Variants in LMF1 observed in about 807,000 individuals in gnomAD.
LMF1 encodes lipase maturation factor 1, also known as transmembrane protein 112.
LMF1 carries 68 observed loss-of-function variants against 60.6 expected under a neutral mutation model. The observed-to-expected ratio is 1.12, with a 90% confidence interval of 0.92 to 1.37. The LOEUF (loss-of-function observed/expected upper bound fraction) is 1.37. Among genes scored for constraint, LMF1 ranks in the 40% most tolerant of loss-of-function variants. The pLI is 0.00. For synonymous variants in LMF1, 418 were observed against 324.7 expected (o/e 1.29, Z -3.09); for missense variants, 948 against 767.2 (o/e 1.24, Z -2.78).
intron 4 of LMF1, chr16:900,681 ATGTGTGTGTGTGTGTGTGTGTG>A (rs139778716): frequency 1.9e-4 from 17 of 90,854 alleles, no homozygotes; most frequent in African/African-American, 4.5e-4. Context: ...GCTAATTTTT[ATGTGTGTGTGTGTGTGTGTGTG>A]TGTGTGTGTG....
rs561947834 is a variant in LMF1, at chr16:913,866, C to T, written c.515-2787G>A. 5.3e-5 allele frequency among the ~76,000 whole-genome samples: 8 copies of T among 152,332 alleles called. No individual in the cohort carries two copies. The East Asian group carries it at 7.7e-4, about 15-fold the overall frequency. ...CCATGGGGCAGCCCGAGGCACATGG[C>T]GAGGCCAGGGCCAGACCTGCAGGCC... On this transcript the variant is annotated intron_variant, in intron 3 of 10. Transcript: ENST00000262301.
chr16:868,788 G>GC (rs2069685392), intron 10 of LMF1, among the ~76,000 whole-genome samples, 156 bp downstream of exon 10: 1 of 136,220 alleles, frequency 7.3e-6, no homozygotes, highest in Non-Finnish European at 1.6e-5. Context: ...GGGGGGGGGG[G>GC]CCCTTTTTGC....
chr16:959,954 C>T (rs777205897), intron 1 of LMF1, among the ~76,000 whole-genome samples: 4 of 152,154 alleles, frequency 2.6e-5, no homozygotes, highest in African/African-American at 4.8e-5. Flanking sequence ...GGTTGACCTT[C>T]GTATACTTAC....
intron 1 of LMF1, 127 bp from the exon 2 acceptor site, chr16:954,793 G>C: frequency 1.2e-6 from 1 of 840,298 alleles, no homozygotes; most frequent in Non-Finnish European, 1.8e-6. Context: ...ACGGTTTGGG[G>C]CCAAACCCTA....
Position 909,952 on chromosome 16 carries a change from C to T in LMF1, c.663+979G>A, listed in dbSNP as rs114460061. 2.8e-3 allele frequency among the ~76,000 whole-genome samples: 419 copies of T among 152,314 alleles called. 5 individuals carry two copies. The highest frequency in any genetic ancestry group is 9.7e-3 in the African/African-American group (402 of 41,548). On this transcript the variant is annotated intron_variant, in intron 4 of 10. Coordinates refer to ENST00000262301, the MANE Select transcript of LMF1 (RefSeq NM_022773.4). ...TTCCTTGGGGCAGTGCCCAACTCTT[C>T]GTACGTCTTCAGCGAATCCTCCACG...
At chr16:943,702 G>A (rs1286199419) in intron 2 of LMF1, among the ~76,000 whole-genome samples, 1 of 147,520 alleles carries the variant, frequency 6.8e-6, no homozygotes, top group Non-Finnish European at 1.5e-5. Context: ...ACTCCAGCCT[G>A]GGGGACAGAA....
At chr16:942,168 T>C (rs771408166) in intron 2 of LMF1, among the ~76,000 whole-genome samples, 1 of 152,242 alleles carries the variant, frequency 6.6e-6, no homozygotes, top group Non-Finnish European at 1.5e-5. Context: ...TTGAAGGATA[T>C]TGTCACTGGA....
At chr16:933,567 C>CG in intron 3 of LMF1, 16 of 189,250 alleles carry the variant, frequency 8.5e-5, no homozygotes, top group South Asian at 3.4e-4. Context: ...AGGCCAGGGC[C>CG]TTTACCAGCA....
At chr16:902,475 T>TA (rs2070841247) in intron 4 of LMF1, 1 of 154,136 alleles carries the variant, frequency 6.5e-6, no homozygotes, top group East Asian at 1.9e-4. Flanking sequence ...TTTCAGGCTC[T>TA]GGCTCTGGCT....
At chr16:938,623 C>T (rs2072009084) in intron 2 of LMF1, among the ~76,000 whole-genome samples, 1 of 152,206 alleles carries the variant, frequency 6.6e-6, no homozygotes, top group South Asian at 2.1e-4. Context: ...ACTGGAGCTG[C>T]CAAGAGGAAG....
At chr16:977,428 C>T (rs954918774) in intron 1 of LMF1, among the ~76,000 whole-genome samples, 8 of 152,194 alleles carry the variant, frequency 5.3e-5, no homozygotes, top group African/African-American at 1.7e-4. Flanking sequence ...CAGCCTGCGC[C>T]GGCCCAGCCT....
At chr16:954,112 G>T in intron 2 of LMF1, 2 of 624,376 alleles carry the variant, frequency 3.2e-6, no homozygotes, top group Non-Finnish European at 5.9e-6. Flanking sequence ...CCAGTAAGCT[G>T]GCAACGCAGT....
chr16:908,328 G>A (rs77192950), intron 4 of LMF1, among the ~76,000 whole-genome samples: 1 of 152,184 alleles, frequency 6.6e-6, no homozygotes. Context: ...TTTCCTGCGC[G>A]ATCTGGATGC....
intron 4 of LMF1, chr16:900,660 C>CCAG (rs2070782643): frequency 6.6e-6 from 1 of 151,438 alleles, no homozygotes; most frequent in South Asian, 2.1e-4. Context: ...CAGGCGCCCG[C>CCAG]CAGCATACCT....
rs1488490694 is a variant in LMF1 at position 854,302 on chromosome 16, C to T, written c.*230G>A. ...GGATGGGAGATCAGAGCCCCTGGCG[C>T]CTGGGACAAGGGTTGGCCTGGATGT... On this transcript the variant is annotated 3_prime_UTR_variant, in exon 11 of 11. Transcript: ENST00000262301. The T allele has an allele frequency of 4.9e-5, 34 of 688,362 alleles. 1 individual carries two copies. The highest frequency in any genetic ancestry group is 3.2e-4 in the South Asian group (21 of 66,552). The allele number at this position is 688,362 out of a possible 1,614,324, so 42.6% of individuals were successfully genotyped here. A position where few individuals can be genotyped will look rare whatever the true frequency, so the allele number is the denominator to read the frequency against.
At chr16:928,202 C>G (rs909737593) in intron 3 of LMF1, among the ~76,000 whole-genome samples, 2 of 152,150 alleles carry the variant, frequency 1.3e-5, no homozygotes, top group African/African-American at 4.8e-5. Context: ...GTGGATGGGC[C>G]CCCCCAGCCT....
chr16:888,507 G>A (rs988416921), intron 5 of LMF1, among the ~76,000 whole-genome samples: 1 of 151,928 alleles, frequency 6.6e-6, no homozygotes, highest in Non-Finnish European at 1.5e-5. Flanking sequence ...CAAGTGGAGA[G>A]AGAGGACAGG....
rs9673891 is a variant in LMF1, at chr16:932,643, G to A, written c.514+1601C>T. 4.1e-3 allele frequency among the ~76,000 whole-genome samples: 631 copies of A among 152,236 alleles called. 4 individuals carry two copies. Among genetic ancestry groups the A allele is most frequent in the African/African-American group, 0.015 (616 of 41,544 alleles). ...CTTGCTATGTTGCCCAGGCTGGTCTGGAATTCCTGGGCTCAAGAGGTCCTG... is the reference window on the plus strand; with the variant it reads ...CTTGCTATGTTGCCCAGGCTGGTCTAGAATTCCTGGGCTCAAGAGGTCCTG... On this transcript the variant is annotated intron_variant, in intron 3 of 10. Transcript: ENST00000262301.
At chr16:966,191 G>A (rs1401142364) in intron 1 of LMF1, among the ~76,000 whole-genome samples, 6 of 152,150 alleles carry the variant, frequency 3.9e-5, no homozygotes, top group South Asian at 2.1e-4. Flanking sequence ...CTCACGTGGC[G>A]GGGACACAGC....
Sources: gnomAD v4.1 joint callset for allele counts (sites outside exome capture counted in the v4.1 genomes callset) on GRCh38, gnomAD v4.1.1 for gene constraint, MANE v1.5 for transcripts, NCBI Gene and HGNC (gene_info 2026-07-23, HGNC 2026-07-21) for gene names.